RABIF: variants seen among roughly 807,000 people sequenced by gnomAD.
The protein encoded by RABIF is RAB interacting factor.
Under a neutral mutation model 12.3 loss-of-function variants are expected in RABIF, and 13 were observed. That is an observed-to-expected ratio of 1.06 (90% confidence interval 0.69 to 1.68). RABIF has a LOEUF of 1.68. Ranked by LOEUF, RABIF falls within the 40% of genes most tolerant of loss-of-function variation. The pLI is 0.00. For synonymous variants in RABIF, 70 were observed against 63.3 expected (o/e 1.11, Z -0.50); for missense variants, 153 against 158.0 (o/e 0.97, Z 0.17).
chr1:202,889,056 C>T lies in RABIF; in HGVS notation c.43G>A (p.Gly15Ser), dbSNP rs1557980787. The part of the protein sequence containing the change: ...EQPSELVSAE[G>S]RNRKAVLCQR... The stretch of plus-strand genomic sequence containing the variant: ...CACAGCACCGCCTTCCGGTTTCGGC[C>T]CTCGGCTGACACTAACTCGCTCGGC... The change falls in exon 1 of 2, where the codon GGC (glycine) becomes AGC (serine). Residue 15 changes from glycine (G) to serine (S), a missense_variant. Physicochemically the swap from Gly to Ser is moderately conservative, Grantham distance 56. Transcript: ENST00000367262. 8 of 1,611,298 alleles carry T rather than the reference C, an allele frequency of 5.0e-6. No homozygotes were observed. Among genetic ancestry groups the T allele is most frequent in the Non-Finnish European group, 6.8e-6 (8 of 1,179,100 alleles).
At chr1:202,883,351 T>G (rs1659518411) in intron 1 of RABIF, among the ~76,000 whole-genome samples, 1 of 152,228 alleles carries the variant, frequency 6.6e-6, no homozygotes, top group Non-Finnish European at 1.5e-5. Flanking sequence ...TCATTCTTTT[T>G]GCCTCATGTT....
chr1:202,886,731 T>G (rs1659567618), intron 1 of RABIF, among the ~76,000 whole-genome samples: 2 of 98,304 alleles, frequency 2.0e-5, no homozygotes, highest in South Asian at 6.4e-4. Context: ...CGCGTCTATG[T>G]TTTTTTCTTT....
rs551486926 is a variant in RABIF, at chr1:202,887,463, A to C, written c.126+1510T>G. Among the ~76,000 whole-genome samples the C allele has an allele frequency of 3.3e-5, 5 of 151,624 alleles. 1 individual carries two copies. In the South Asian group the frequency reaches 1.0e-3, roughly 32 times the overall value. ...AAAAGACTGGACACCCCTGTTTTAC[A>C]CAATAGCAACCTGCATCTCATGGAG... On this transcript the variant is annotated intron_variant, in intron 1 of 1. Transcript: ENST00000367262.
At chr1:202,887,803 C>CA (rs1659586494) in intron 1 of RABIF, among the ~76,000 whole-genome samples, 2 of 152,122 alleles carry the variant, frequency 1.3e-5, no homozygotes, top group Non-Finnish European at 2.9e-5. Context: ...CGCGCCCAGC[C>CA]TAACTGTTTT....
At chr1:202,888,699 C>T (rs1337411775) in intron 1 of RABIF, among the ~76,000 whole-genome samples, 2 of 152,048 alleles carry the variant, frequency 1.3e-5, no homozygotes, top group South Asian at 2.1e-4. Flanking sequence ...GCGCTCGAAG[C>T]CCCCCCGGGG....
chr1:202,880,556 TGAATGAGAAAAAG>T lies in RABIF; in HGVS notation c.*409_*421del. Reference sequence around the variant, plus strand: ...ACTCTCAGATATTTGTATGCCTTCTTGAATGAGAAAAAGGCAGATTTCAACTATTAGTACATAA... The same window carrying T: ...ACTCTCAGATATTTGTATGCCTTCTTGCAGATTTCAACTATTAGTACATAA... On this transcript the variant is annotated 3_prime_UTR_variant, in exon 2 of 2. Transcript: ENST00000367262. The T allele has an allele frequency of 2.6e-6, 1 of 378,518 alleles. No homozygotes were observed. The highest frequency in any genetic ancestry group is 3.7e-6 in the Non-Finnish European group (1 of 273,918). The allele number at this position is 378,518 out of a possible 1,614,324, so 23.4% of individuals were successfully genotyped here. A position where few individuals can be genotyped will look rare whatever the true frequency, so the allele number is the denominator to read the frequency against.
rs1312151417 is a variant in RABIF at position 202,880,190 on chromosome 1, C to G, written c.*788G>C. 2.0e-5 allele frequency: 3 copies of G among 152,242 alleles called. No homozygotes were observed. Among genetic ancestry groups the G allele is most frequent in the Admixed American group, 2.0e-4 (3 of 15,284 alleles). The allele number at this position is 152,242 out of a possible 1,614,324, so 9.4% of individuals were successfully genotyped here. Reference sequence around the variant, plus strand: ...AAAGGCCTAACCCTCATATCCTACACCCTCCACTCTCATTCTAAGAGAGCC... The same window carrying G: ...AAAGGCCTAACCCTCATATCCTACAGCCTCCACTCTCATTCTAAGAGAGCC... On this transcript the variant is annotated 3_prime_UTR_variant, in exon 2 of 2. Coordinates refer to ENST00000367262, the MANE Select transcript of RABIF (RefSeq NM_002871.5).
At position 202,885,041 on chromosome 1, in the gene RABIF, C is replaced by T. The variant is rs141898838; in HGVS notation, c.127-3818G>A. Among the ~76,000 whole-genome samples, 372 of 144,498 alleles carry T rather than the reference C, an allele frequency of 2.6e-3. 1 individual carries two copies. In the East Asian group the frequency reaches 0.042, roughly 16 times the overall value. The allele number at this position is 144,498 out of a possible 152,430, so 94.8% of individuals were successfully genotyped here. On this transcript the variant is annotated intron_variant, in intron 1 of 1. Coordinates refer to ENST00000367262, the MANE Select transcript of RABIF (RefSeq NM_002871.5). ...AGGCGGAGGTTAGGTGAGCAGAGAT[C>T]GTGCCACTGCACTCCAGCCTGGGCA...
At chr1:202,887,340 A>T (rs1317254130) in intron 1 of RABIF, among the ~76,000 whole-genome samples, 3 of 121,218 alleles carry the variant, frequency 2.5e-5, no homozygotes, top group Non-Finnish European at 1.9e-5. Flanking sequence ...ACATTATGAA[A>T]AATTTTTTTT....
At chr1:202,881,687 G>C (rs1044498105) in intron 1 of RABIF, among the ~76,000 whole-genome samples, 2 of 152,210 alleles carry the variant, frequency 1.3e-5, no homozygotes, top group African/African-American at 4.8e-5. Context: ...GATTATAGGC[G>C]TGAGCCTGAT....
At chr1:202,886,346 A>AGGCAG (rs1168649373) in intron 1 of RABIF, among the ~76,000 whole-genome samples, 1 of 137,484 alleles carries the variant, frequency 7.3e-6, no homozygotes, top group Non-Finnish European at 1.6e-5. Flanking sequence ...AGGGAGGGGA[A>AGGCAG]GGCAGGGCAG....
chr1:202,887,340 AAATTTT>A (rs1659578507), intron 1 of RABIF, among the ~76,000 whole-genome samples: 1 of 121,218 alleles, frequency 8.2e-6, no homozygotes, highest in South Asian at 2.5e-4. Context: ...ACATTATGAA[AAATTTT>A]TTTTTTTGCA....
At chr1:202,883,190 T>C (rs1484094310) in intron 1 of RABIF, among the ~76,000 whole-genome samples, 1 of 152,116 alleles carries the variant, frequency 6.6e-6, no homozygotes, top group Admixed American at 6.5e-5. Context: ...CACCCCACGA[T>C]ATACTTTTTT....
intron 1 of RABIF, 44 bp downstream of exon 1, chr1:202,888,928 CG>C: frequency 2.0e-6 from 3 of 1,477,878 alleles, no homozygotes; most frequent in South Asian, 1.3e-5. Context: ...GGCGGCTCGT[CG>C]GGGGAGACTG....
intron 1 of RABIF, among the ~76,000 whole-genome samples, chr1:202,881,809 C>T (rs910978242): frequency 6.6e-6 from 1 of 152,196 alleles, no homozygotes. Context: ...CATTATGCTT[C>T]AGGCACACTG....
At chr1:202,883,852 C>A (rs1659523881) in intron 1 of RABIF, among the ~76,000 whole-genome samples, 1 of 152,142 alleles carries the variant, frequency 6.6e-6, no homozygotes, top group Admixed American at 6.6e-5. Flanking sequence ...TAACTTAGAT[C>A]ATCTAAGTCA....
chr1:202,882,851 TTTG>T (rs1261030533), intron 1 of RABIF, among the ~76,000 whole-genome samples: 1 of 152,172 alleles, frequency 6.6e-6, no homozygotes, highest in East Asian at 1.9e-4. Context: ...ATCTCAACTA[TTTG>T]TTAAGAGAAT....
chr1:202,886,080 G>A (rs1180617318), intron 1 of RABIF, among the ~76,000 whole-genome samples: 1 of 151,490 alleles, frequency 6.6e-6, no homozygotes, highest in Non-Finnish European at 1.5e-5. Flanking sequence ...CACTGTGTTC[G>A]TTGAGAAACA....
intron 1 of RABIF, among the ~76,000 whole-genome samples, chr1:202,883,909 T>C (rs1306796549): frequency 6.6e-6 from 1 of 152,250 alleles, no homozygotes; most frequent in Admixed American, 6.5e-5. Flanking sequence ...TGTGCATCTC[T>C]GCCTGGATCT....
Sources: gnomAD v4.1 joint callset for allele counts (sites outside exome capture counted in the v4.1 genomes callset) on GRCh38, gnomAD v4.1.1 for gene constraint, MANE v1.5 for transcripts, NCBI Gene and HGNC (gene_info 2026-07-23, HGNC 2026-07-21) for gene names.